ANO2: variants seen among roughly 807,000 people sequenced by gnomAD.
ANO2 encodes anoctamin 2.
Under a neutral mutation model 124.2 loss-of-function variants are expected in ANO2, and 101 were observed. The observed-to-expected ratio is 0.81, with a 90% CI of 0.69 to 0.96. The LOEUF (loss-of-function observed/expected upper bound fraction) is 0.96, where lower values mean the gene tolerates loss of function less well. Among genes scored for constraint, ANO2 ranks in the 40% least tolerant of loss-of-function variants. ANO2 has a pLI of 0.00. For synonymous variants in ANO2, 486 were observed against 482.5 expected (o/e 1.01, Z -0.09); for missense variants, 1,293 against 1,274.5 (o/e 1.01, Z -0.22).
At chr12:5,565,898 C>T (rs1941722036) in intron 23 of ANO2, among the ~76,000 whole-genome samples, 2 of 152,234 alleles carry the variant, frequency 1.3e-5, no homozygotes, top group African/African-American at 4.8e-5. Context: ...GACATTTCTA[C>T]TACCCTCTCC....
At chr12:5,648,340 C>T (rs1159136038) in intron 14 of ANO2, among the ~76,000 whole-genome samples, 1 of 152,234 alleles carries the variant, frequency 6.6e-6, no homozygotes, top group Non-Finnish European at 1.5e-5. Flanking sequence ...AAATTACCCA[C>T]AATTTTGTTC....
At chr12:5,740,160 G>T (rs1021225273) in intron 12 of ANO2, 1 of 350,646 alleles carries the variant, frequency 2.9e-6, no homozygotes, top group Non-Finnish European at 5.6e-6. Context: ...GTTATACCAG[G>T]GCTGAACATC....
intron 24 of ANO2, chr12:5,564,313 T>C (rs747519081): frequency 6.6e-6 from 1 of 152,500 alleles, no homozygotes; most frequent in Admixed American, 6.5e-5. Context: ...AGGACTACCT[T>C]TTCCCCAGAG....
chr12:5,824,647 C>T (rs1953902272), intron 7 of ANO2, among the ~76,000 whole-genome samples: 1 of 152,208 alleles, frequency 6.6e-6, no homozygotes, highest in Admixed American at 6.5e-5. Flanking sequence ...CTGTTCCAAC[C>T]TCCACCTGTT....
rs142804390 is a variant in ANO2, at chr12:5,875,506, G to A, written c.535-21365C>T. Among the ~76,000 whole-genome samples the A allele has an allele frequency of 3.6e-3, 551 of 152,270 alleles. 5 individuals are homozygous for A. Among genetic ancestry groups the A allele is most frequent in the African/African-American group, 0.013 (525 of 41,562 alleles). On this transcript the variant is annotated intron_variant, in intron 3 of 24. Coordinates refer to ENST00000682330, the MANE Select transcript of ANO2 (RefSeq NM_001364791.2). Reference sequence around the variant, plus strand: ...ATCTCCTCCCACACTAACCATCCCCGACTGATGGCCCTCCAAGGACTGGGA... The same window carrying A: ...ATCTCCTCCCACACTAACCATCCCCAACTGATGGCCCTCCAAGGACTGGGA...
rs1333829526 is a variant in ANO2 at position 5,787,155 on chromosome 12, A to G, written c.1055+12352T>C. On this transcript the variant is annotated intron_variant, in intron 10 of 24. Transcript: ENST00000682330. The surrounding 1 kb of genome is among the most constrained non-coding windows in gnomAD (Gnocchi z 4.2). Reference sequence around the variant, plus strand: ...AGTCCTTCAGAAGGACAAAGGGCACATAGGAGGAAACCATCCTGTTAGACA... The same window carrying G: ...AGTCCTTCAGAAGGACAAAGGGCACGTAGGAGGAAACCATCCTGTTAGACA... Among the ~76,000 whole-genome samples, 1 of 152,178 alleles carries G rather than the reference A, an allele frequency of 6.6e-6. No individual in the cohort carries two copies. Among genetic ancestry groups the G allele is most frequent in the Non-Finnish European group, 1.5e-5 (1 of 68,026 alleles).
intron 10 of ANO2, among the ~76,000 whole-genome samples, chr12:5,789,632 T>A (rs907544056): frequency 3.9e-5 from 6 of 152,290 alleles, no homozygotes; most frequent in African/African-American, 1.4e-4. Flanking sequence ...TACCTTGAGA[T>A]AATCCCAAGT....
chr12:5,753,637 T>A (rs1295160107), intron 10 of ANO2, among the ~76,000 whole-genome samples: 1 of 152,218 alleles, frequency 6.6e-6, no homozygotes, highest in Non-Finnish European at 1.5e-5. Context: ...TCCTAGGTAT[T>A]TTATTCTTTT....
At chr12:5,927,256 C>T (rs533525956) in intron 1 of ANO2, among the ~76,000 whole-genome samples, 19 of 152,322 alleles carry the variant, frequency 1.2e-4, no homozygotes, top group African/African-American at 4.1e-4. Context: ...TTAATCCTTT[C>T]GGTACAGTCT....
At chr12:5,656,853 A>G (rs1194079831) in intron 14 of ANO2, among the ~76,000 whole-genome samples, 1 of 152,242 alleles carries the variant, frequency 6.6e-6, no homozygotes, top group East Asian at 1.9e-4. Context: ...GAATTCACTG[A>G]GGCCAGTGGC....
chr12:5,922,866 A>AGGTACTG, intron 1 of ANO2, 62 bp from the exon 2 acceptor site: 1 of 1,414,532 alleles, frequency 7.1e-7, no homozygotes, highest in African/African-American at 1.5e-5. Context: ...CAAGACACTG[A>AGGTACTG]GGTACTGAGT....
chr12:5,795,397 G>C (rs1952816386), intron 10 of ANO2, among the ~76,000 whole-genome samples: 1 of 152,226 alleles, frequency 6.6e-6, no homozygotes, highest in Non-Finnish European at 1.5e-5. Context: ...CCTCACTCAT[G>C]AAGTGAGCAC....
Position 5,635,115 on chromosome 12 carries a change from G to A in ANO2, c.1816+37C>T, listed in dbSNP as rs1322381724. The A allele has an allele frequency of 6.6e-7, 1 of 1,505,320 alleles. No homozygotes were observed. Among genetic ancestry groups the A allele is most frequent in the Middle Eastern group, 2.1e-4 (1 of 4,738 alleles). 93.2% of individuals were successfully genotyped at this position (1,505,320 alleles called of 1,614,324 possible). On this transcript the variant is annotated intron_variant, in intron 16 of 24. Coordinates refer to ENST00000682330, the MANE Select transcript of ANO2 (RefSeq NM_001364791.2). This position sits in a 1 kb window ranked among gnomAD's most constrained non-coding sequence, Gnocchi z 5.2. ...AGCCTTGCACGCATTGACTTAAAGA[G>A]GGCCTAGGACAGCCAGAAGTCTCGG...
At chr12:5,579,472 G>C (rs1200629174) in intron 20 of ANO2, among the ~76,000 whole-genome samples, 5 of 152,170 alleles carry the variant, frequency 3.3e-5, no homozygotes, top group Non-Finnish European at 7.3e-5. Flanking sequence ...GAAGCAGTGT[G>C]AGCAAAAGCA....
At chr12:5,768,930 C>T (rs546501436) in intron 10 of ANO2, among the ~76,000 whole-genome samples, 2 of 152,220 alleles carry the variant, frequency 1.3e-5, no homozygotes, top group South Asian at 4.1e-4. Flanking sequence ...CAAGAAAAGG[C>T]CTCTTGCTAA....
intron 14 of ANO2, among the ~76,000 whole-genome samples, chr12:5,716,392 T>C (rs1380589801): frequency 6.6e-6 from 1 of 152,176 alleles, no homozygotes; most frequent in African/African-American, 2.4e-5. Flanking sequence ...TCTCTCTGGT[T>C]GTCAGCACGC....
chr12:5,813,765 T>C (rs1247638675), intron 7 of ANO2, among the ~76,000 whole-genome samples: 1 of 152,194 alleles, frequency 6.6e-6, no homozygotes, highest in Non-Finnish European at 1.5e-5. Context: ...GTTCCCTCCC[T>C]GGGCCTCGTT....
At chr12:5,739,450 T>C (rs1424116575) in intron 12 of ANO2, 51 bp from the exon 13 acceptor site, 1 of 1,485,196 alleles carries the variant, frequency 6.7e-7, no homozygotes, top group Non-Finnish European at 9.2e-7. Flanking sequence ...GAAGAGTGGA[T>C]TCTGTACCCT....
At chr12:5,585,708 T>A (rs1469541422) in intron 20 of ANO2, among the ~76,000 whole-genome samples, 1 of 152,174 alleles carries the variant, frequency 6.6e-6, no homozygotes, top group Non-Finnish European at 1.5e-5. Context: ...CTTCCTCCCA[T>A]CCCTCCATCC....
Sources: allele counts gnomAD v4.1 joint callset (sites outside exome capture counted in the v4.1 genomes callset), GRCh38; gene constraint gnomAD v4.1.1; non-coding constraint Gnocchi (gnomAD v3.1); transcripts MANE v1.5; gene names NCBI Gene and HGNC (gene_info 2026-07-23, HGNC 2026-07-21).